RBM24: variants seen among roughly 807,000 people sequenced by gnomAD.
RBM24 encodes the protein RNA-binding protein 24.
Under a neutral mutation model 23.6 loss-of-function variants are expected in RBM24, and 5 were observed. The observed-to-expected ratio is 0.21, with a 90% CI of 0.11 to 0.45. The LOEUF (loss-of-function observed/expected upper bound fraction) is 0.45. RBM24 is among the 20% of genes least tolerant of loss of function. The probability of loss-of-function intolerance (pLI) is 0.99; values close to 1 mark genes in which losing one functional copy is unlikely to be tolerated. For missense variants in RBM24, 252 were observed against 314.6 expected (o/e 0.80, Z 1.51); for synonymous variants, 151 against 129.5 (o/e 1.17, Z -1.13).
Position 17,282,862 on chromosome 6 carries a change from A to G in RBM24, c.226A>G (p.Ile76Val). Residue 76 changes from isoleucine to valine, a missense_variant, in exon 2 of 4, where the codon ATT (isoleucine) becomes GTT (valine). Physicochemically the swap from Ile to Val is conservative, Grantham distance 29. Transcript: ENST00000379052. ...GGCCTGCAAGGATCCCAATCCCATC[A>G]TTGATGGCAGAAAGGCCAACGTGAA... Reference protein sequence around the residue: ...ERACKDPNPIIDGRKANVNLA... With the variant: ...ERACKDPNPIVDGRKANVNLA... 1.2e-6 allele frequency: 2 copies of G among 1,614,080 alleles called. No individual in the cohort carries two copies. The highest frequency in any genetic ancestry group is 1.7e-6 in the Non-Finnish European group (2 of 1,180,010).
chr6:17,291,906 T>TGCC lies in RBM24; in HGVS notation c.507_509dup (p.Ala172dup), dbSNP rs775736040. On this transcript the variant is annotated inframe_insertion, in exon 4 of 4. Transcript: ENST00000379052. ...CACAATACTCAGCAGCTGCTGCTGC[T>TGCC]GCCGCCGCCGCTGCTGCCTATGACC... 7 of 1,611,974 alleles carry TGCC rather than the reference T, an allele frequency of 4.3e-6. No homozygotes were observed. In the African/African-American group the frequency reaches 6.7e-5, roughly 15 times the overall value.
intron 3 of RBM24, among the ~76,000 whole-genome samples, chr6:17,287,401 A>G (rs185181292): frequency 4.6e-5 from 7 of 152,348 alleles, no homozygotes; most frequent in Admixed American, 4.6e-4. Flanking sequence ...GGGCAGATGT[A>G]GAAAAACTTA....
rs1400113724 is a variant in RBM24, at chr6:17,281,632, G to T, written c.51G>T (p.Gly17=). The T allele has an allele frequency of 1.3e-6, 2 of 1,549,346 alleles. No individual in the cohort carries two copies. Among genetic ancestry groups the T allele is most frequent in the Non-Finnish European group, 1.7e-6 (2 of 1,146,510 alleles). ...CGTACACCAAGATCTTCGTCGGGGG[G>T]CTGCCCTACCACACCACCGACGCCA... ...DTTYTKIFVG[G]LPYHTTDASL... The change falls in exon 1 of 4, where the codon GGG becomes GGT. Residue 17 remains glycine (G), a synonymous_variant. Coordinates refer to ENST00000379052, the MANE Select transcript of RBM24 (RefSeq NM_001143942.2). The surrounding 1 kb of genome is among the most constrained non-coding windows in gnomAD (Gnocchi z 7.1).
Position 17,291,913 on chromosome 6 carries a change from G to T in RBM24, c.505G>T (p.Ala169Ser). Residue 169 changes from alanine (A) to serine (S), a missense_variant, in exon 4 of 4, where the codon GCC (alanine) becomes TCC (serine). Ala to Ser is a moderately conservative substitution (Grantham distance 99). Coordinates refer to ENST00000379052, the MANE Select transcript of RBM24 (RefSeq NM_001143942.2). ...CTCAGCAGCTGCTGCTGCTGCCGCC[G>T]CCGCTGCTGCCTATGACCAGTACCC... ...QYSAAAAAAA[A>S]AAAYDQYPYA... 6.2e-7 allele frequency: 1 copy of T among 1,613,408 alleles called. No homozygotes were observed. The highest frequency in any genetic ancestry group is 8.5e-7 in the Non-Finnish European group (1 of 1,179,872).
intron 3 of RBM24, among the ~76,000 whole-genome samples, chr6:17,285,804 G>T (rs562051127): frequency 6.6e-6 from 1 of 152,160 alleles, no homozygotes; most frequent in South Asian, 2.1e-4. Flanking sequence ...CCTTTCAGAG[G>T]TTATATGGGT....
intron 1 of RBM24, chr6:17,282,481 G>T: frequency 2.1e-6 from 1 of 471,318 alleles, no homozygotes; most frequent in Non-Finnish European, 4.0e-6. Flanking sequence ...GGGGAAGGAG[G>T]ATCTAGAGTT....
intron 2 of RBM24, 127 bp downstream of exon 2, chr6:17,283,055 G>A (rs1227821275): frequency 3.0e-6 from 2 of 663,972 alleles, no homozygotes; most frequent in East Asian, 5.4e-5. Context: ...ACCATGGCTT[G>A]TTATTCTACC....
At position 17,281,980 on chromosome 6, in the gene RBM24, G is replaced by A. The variant is rs530607288; in HGVS notation, c.168+231G>A. Reference sequence around the variant, plus strand: ...TGTGCGAGGTCGGGGGCCGGGCAGGGCAGAGCAGGGGTGAAAGGAGAGACC... The same window carrying A: ...TGTGCGAGGTCGGGGGCCGGGCAGGACAGAGCAGGGGTGAAAGGAGAGACC... On this transcript the variant is annotated intron_variant, in intron 1 of 3. Coordinates refer to ENST00000379052, the MANE Select transcript of RBM24 (RefSeq NM_001143942.2). The surrounding 1 kb of genome is among the most constrained non-coding windows in gnomAD (Gnocchi z 7.1). The A allele has an allele frequency of 1.2e-5, 16 of 1,370,960 alleles. No individual in the cohort carries two copies. The African/African-American group carries it at 1.5e-4, about 13-fold the overall frequency. 84.9% of individuals were successfully genotyped at this position (1,370,960 alleles called of 1,614,324 possible). A position where few individuals can be genotyped will look rare whatever the true frequency, so the allele number is the denominator to read the frequency against.
chr6:17,283,870 A>G (rs1760112355), intron 2 of RBM24, among the ~76,000 whole-genome samples: 1 of 152,236 alleles, frequency 6.6e-6, no homozygotes, highest in Non-Finnish European at 1.5e-5. Context: ...TTAGTTGCCA[A>G]AAGGGAGCAG....
In RBM24 at chr6:17,281,495, C is replaced by A. The variant is rs1436822133; in HGVS notation, c.-87C>A. 6.3e-6 allele frequency: 8 copies of A among 1,276,840 alleles called. No homozygotes were observed. Among genetic ancestry groups the A allele is most frequent in the Non-Finnish European group, 8.1e-6 (8 of 989,188 alleles). 79.1% of individuals were successfully genotyped at this position (1,276,840 alleles called of 1,614,324 possible). ...GGCCCCCGGCGGCCGCGAAAGGGTGCGGGAGACGCGGAGCCGGAGGAGGAG... is the reference window on the plus strand; with the variant it reads ...GGCCCCCGGCGGCCGCGAAAGGGTGAGGGAGACGCGGAGCCGGAGGAGGAG... On this transcript the variant is annotated 5_prime_UTR_variant, in exon 1 of 4. Transcript: ENST00000379052. This position sits in a 1 kb window ranked among gnomAD's most constrained non-coding sequence, Gnocchi z 7.1.
chr6:17,289,389 T>C (rs1048683659), intron 3 of RBM24: 8 of 985,368 alleles, frequency 8.1e-6, no homozygotes, highest in Non-Finnish European at 9.6e-6. Flanking sequence ...AGACGTCTCT[T>C]TAACCTTTGC....
At chr6:17,286,515 A>T (rs1760204246) in intron 3 of RBM24, among the ~76,000 whole-genome samples, 1 of 152,224 alleles carries the variant, frequency 6.6e-6, no homozygotes, top group South Asian at 2.1e-4. Context: ...CCAGTGGGTG[A>T]TGCAAAATGA....
intron 3 of RBM24, chr6:17,289,763 G>A (rs1231224442): frequency 1.9e-6 from 2 of 1,061,188 alleles, no homozygotes; most frequent in Non-Finnish European, 2.3e-6. Flanking sequence ...AACCCTTGTC[G>A]CATGACAGGA....
rs936943512 is a variant in RBM24, at chr6:17,290,209, T to C, written c.348-1547T>C. On this transcript the variant is annotated intron_variant, in intron 3 of 3. Coordinates refer to ENST00000379052, the MANE Select transcript of RBM24 (RefSeq NM_001143942.2). The stretch of plus-strand genomic sequence containing the variant: ...AAGCAAAATCTATGTTTCTGAAAAA[T>C]CTACAAGTGCTGTTTTCTGTTTTGA... The C allele has an allele frequency of 1.8e-5, 13 of 715,466 alleles. 2 individuals are homozygous for C. In the Admixed American group the frequency reaches 3.7e-4, roughly 20 times the overall value. The allele number at this position is 715,466 out of a possible 1,614,324, so 44.3% of individuals were successfully genotyped here.
chr6:17,288,652 G>T (rs911918722), intron 3 of RBM24: 1 of 984,516 alleles, frequency 1.0e-6, no homozygotes, highest in African/African-American at 1.7e-5. Flanking sequence ...ATTTCAGCAG[G>T]TAGAGACAGT....
chr6:17,289,797 C>G (rs1371159818), intron 3 of RBM24: 3 of 1,059,528 alleles, frequency 2.8e-6, no homozygotes, highest in Non-Finnish European at 3.4e-6. Flanking sequence ...GGCTGCAGCC[C>G]CTGCTGTCCA....
At chr6:17,288,529 C>T in intron 3 of RBM24, 2 of 985,302 alleles carry the variant, frequency 2.0e-6, no homozygotes, top group Non-Finnish European at 2.4e-6. Flanking sequence ...AAATAGGAGG[C>T]TATGTTAAGA....
In RBM24 at chr6:17,293,134, C is replaced by T. The variant is rs1327464804; in HGVS notation, c.*1015C>T. 1 of 152,410 alleles carries T rather than the reference C, an allele frequency of 6.6e-6. No homozygotes were observed. Among genetic ancestry groups the T allele is most frequent in the Non-Finnish European group, 1.5e-5 (1 of 68,022 alleles). 9.4% of individuals were successfully genotyped at this position (152,410 alleles called of 1,614,324 possible). On this transcript the variant is annotated 3_prime_UTR_variant, in exon 4 of 4. Transcript: ENST00000379052. Reference sequence around the variant, plus strand: ...AAACTATTTATTAGTGACTACAGTACATGAGACAACAAGGTTACTGAGATT... The same window carrying T: ...AAACTATTTATTAGTGACTACAGTATATGAGACAACAAGGTTACTGAGATT...
chr6:17,284,128 T>C (rs576771450), intron 2 of RBM24, among the ~76,000 whole-genome samples: 2 of 152,212 alleles, frequency 1.3e-5, no homozygotes, highest in Admixed American at 6.5e-5. Context: ...AGAAAATGAG[T>C]GTTTGTGCAA....
Sources: allele counts gnomAD v4.1 joint callset (sites outside exome capture counted in the v4.1 genomes callset), GRCh38; gene constraint gnomAD v4.1.1; non-coding constraint Gnocchi (gnomAD v3.1); transcripts MANE v1.5; gene names NCBI Gene and HGNC (gene_info 2026-07-23, HGNC 2026-07-21).